CROCC: variants seen among roughly 807,000 people sequenced by gnomAD.
The protein encoded by CROCC is rootletin.
CROCC carries 180 observed loss-of-function variants against 245.2 expected under a neutral mutation model. The ratio of observed to expected loss-of-function variants is 0.73; its 90% CI spans 0.65 to 0.83. CROCC has a LOEUF of 0.83. Among genes scored for constraint, CROCC ranks in the 40% least tolerant of loss-of-function variants. The pLI, the probability that CROCC is intolerant of heterozygous loss-of-function variation, is 0.00. For synonymous variants in CROCC, 1,205 were observed against 1,241.6 expected (o/e 0.97, Z 0.62); for missense variants, 2,688 against 2,779.4 (o/e 0.97, Z 0.74).
At position 16,971,463 on chromosome 1, in the gene CROCC, A is replaced by G; in HGVS notation, c.5785-2A>G. The G allele has an allele frequency of 6.5e-7, 1 of 1,532,766 alleles. No individual in the cohort carries two copies. Among genetic ancestry groups the G allele is most frequent in the Non-Finnish European group, 8.7e-7 (1 of 1,143,746 alleles). 94.9% of individuals were successfully genotyped at this position (1,532,766 alleles called of 1,614,324 possible). A position where few individuals can be genotyped will look rare whatever the true frequency, so the allele number is the denominator to read the frequency against. On this transcript the variant is annotated splice_acceptor_variant, in intron 35 of 36. Coordinates refer to ENST00000375541, the MANE Select transcript of CROCC (RefSeq NM_014675.5). LOFTEE classifies it high-confidence loss of function. ...AACGCGGACCACAGCCCCTCCCTGC[A>G]GGCGCAGGTGGTGGTGCTGGAGCAG...
At chr1:16,944,325 C>T in intron 14 of CROCC, 43 bp downstream of exon 14, 1 of 1,476,036 alleles carries the variant, frequency 6.8e-7, no homozygotes, top group South Asian at 1.4e-5. Context: ...TTCAGATGTG[C>T]CTCGGGTCCC....
chr1:16,970,247 T>C lies in CROCC; in HGVS notation c.5452-6T>C, dbSNP rs746390319. Reference sequence around the variant, plus strand: ...GGATTCGGGGCCTGCCTGGCTTCTGTTGCAGGTGCTGCGGCAGCGGCAGGA... The same window carrying C: ...GGATTCGGGGCCTGCCTGGCTTCTGCTGCAGGTGCTGCGGCAGCGGCAGGA... On this transcript the variant is annotated splice_region_variant and splice_polypyrimidine_tract_variant and intron_variant, in intron 33 of 36. Transcript: ENST00000375541. 1 of 1,546,420 alleles carries C rather than the reference T, an allele frequency of 6.5e-7. No homozygotes were observed. The highest frequency in any genetic ancestry group is 1.9e-5 in the Admixed American group (1 of 52,514).
chr1:16,919,907 T>A (rs1431246362), upstream of CROCC, among the ~76,000 whole-genome samples: 4 of 152,232 alleles, frequency 2.6e-5, no homozygotes, highest in Non-Finnish European at 2.9e-5. Flanking sequence ...ATTTTATTTT[T>A]TTGAGACAGA....
rs374780265 is a variant in CROCC at position 16,970,397 on chromosome 1, C to T, written c.5596C>T (p.Arg1866Cys). ...GGAAGCTGAGAAGCGGGAGGTGGAG[C>T]GCTCAGCCCTGCGGCTGGAGAAGGA... The part of the protein sequence containing the change: ...QLEAEKREVE[R>C]SALRLEKDRV... Residue 1866 changes from arginine (R) to cysteine (C), a missense_variant, in exon 34 of 37, where the codon CGC becomes TGC. Around this residue, in one of 9 missense-constraint regions of CROCC, gnomAD observed 1,218 missense variants for 1,286.3 expected, o/e 0.95. Coordinates refer to ENST00000375541, the MANE Select transcript of CROCC (RefSeq NM_014675.5). 1.6e-4 allele frequency: 249 copies of T among 1,605,152 alleles called. No homozygotes were observed. The highest frequency in any genetic ancestry group is 4.6e-4 in the Admixed American group (27 of 59,144).
Position 16,970,297 on chromosome 1 carries a change from C to T in CROCC, c.5496C>T (p.Thr1832=), listed in dbSNP as rs145211796. ...RQEGEAAALN[T]VQKLQDERRL... ...AGGGTGAGGCTGCAGCCCTGAACAC[C>T]GTCCAGAAGCTGCAAGACGAGCGGC... The change falls in exon 34 of 37, where the codon ACC becomes ACT. Residue 1832 remains threonine, a synonymous_variant. Transcript: ENST00000375541. The T allele has an allele frequency of 5.9e-3, 9,336 of 1,583,230 alleles. 41 individuals carry two copies. Among genetic ancestry groups the T allele is most frequent in the Non-Finnish European group, 7.2e-3 (8,407 of 1,165,852 alleles).
In CROCC at chr1:16,944,227, GAGC is replaced by G. The variant is rs2075995922; in HGVS notation, c.1939_1941del (p.Gln647del). 1 of 1,554,620 alleles carries G rather than the reference GAGC, an allele frequency of 6.4e-7. No individual in the cohort carries two copies. Among genetic ancestry groups the G allele is most frequent in the African/African-American group, 1.4e-5 (1 of 73,478 alleles). On this transcript the variant is annotated inframe_deletion, in exon 14 of 37. Coordinates refer to ENST00000375541, the MANE Select transcript of CROCC (RefSeq NM_014675.5). ...GCGCCAGCGGGACCGGCTGGAGGAAGAGCAGGAGGACGCAGTGCAGGATGGCGC... is the reference window on the plus strand; with the variant it reads ...GCGCCAGCGGGACCGGCTGGAGGAAGAGGAGGACGCAGTGCAGGATGGCGC...
In CROCC at chr1:16,968,192, G is replaced by A. The variant is rs1488396024; in HGVS notation, c.4861-11G>A. 2 of 1,555,406 alleles carry A rather than the reference G, an allele frequency of 1.3e-6. No individual in the cohort carries two copies. Among genetic ancestry groups the A allele is most frequent in the Non-Finnish European group, 8.7e-7 (1 of 1,150,568 alleles). On this transcript the variant is annotated splice_polypyrimidine_tract_variant and intron_variant, in intron 30 of 36. Coordinates refer to ENST00000375541, the MANE Select transcript of CROCC (RefSeq NM_014675.5). ...CTGGACGTCTGGGCCTGAGCCCCAT[G>A]CCACCTGCAGGAGAAGATCAGCAAG...
At chr1:16,935,221 T>C (rs944505615) in intron 8 of CROCC, among the ~76,000 whole-genome samples, 1 of 152,170 alleles carries the variant, frequency 6.6e-6, no homozygotes, top group Non-Finnish European at 1.5e-5. Context: ...TAAGTGACCT[T>C]CCAGGGTTAT....
chr1:16,972,207 CA>C lies in CROCC; in HGVS notation c.5968-149del, dbSNP rs1326756859. 2.0e-5 allele frequency among the ~76,000 whole-genome samples: 3 copies of C among 152,294 alleles called. No homozygotes were observed. In the East Asian group the frequency reaches 5.8e-4, roughly 29 times the overall value. ...AGACGCCTGACTCTGCTATAAGGAA[CA>C]AAATGAGAAAGGCAGGACAGCCCCT... On this transcript the variant is annotated intron_variant, in intron 36 of 36. Coordinates refer to ENST00000375541, the MANE Select transcript of CROCC (RefSeq NM_014675.5).
intron 26 of CROCC, among the ~76,000 whole-genome samples, chr1:16,959,960 C>CA (rs905680578): frequency 0.023 from 3,333 of 142,072 alleles, 94 homozygotes; most frequent in African/African-American, 0.068. Flanking sequence ...AAACAAAAAA[C>CA]AAAAAAAAAA....
intron 30 of CROCC, among the ~76,000 whole-genome samples, chr1:16,967,546 G>A (rs1174411779): frequency 1.3e-5 from 2 of 152,200 alleles, no homozygotes; most frequent in Admixed American, 1.3e-4. Flanking sequence ...AGACAGGGCA[G>A]GGCTGGGGCT....
intron 27 of CROCC, among the ~76,000 whole-genome samples, chr1:16,964,050 G>A (rs1179565095): frequency 1.3e-5 from 2 of 151,974 alleles, no homozygotes; most frequent in African/African-American, 2.4e-5. Flanking sequence ...TGCCCGCCTC[G>A]GCCTCCCACC....
At chr1:16,924,653 T>C (rs1169129145) in intron 3 of CROCC, among the ~76,000 whole-genome samples, 174 bp downstream of exon 3, 2 of 152,286 alleles carry the variant, frequency 1.3e-5, no homozygotes, top group Non-Finnish European at 2.9e-5. Flanking sequence ...CTATGCTCTT[T>C]AAGCCTGTTT....
In CROCC at chr1:16,914,524, T is replaced by C. The variant is rs530037525; in HGVS notation, n.126-15762T>C. 2.6e-5 allele frequency among the ~76,000 whole-genome samples: 4 copies of C among 152,406 alleles called. No individual in the cohort carries two copies. The East Asian group carries it at 7.7e-4, about 29-fold the overall frequency. ...GTGCGGGCCCCGCCCTGCACTGCCC[T>C]CCTCGTGTGGGATCCGGTTTCGTCT... On this transcript the variant is annotated intron_variant and non_coding_transcript_variant, in intron 1 of 8. Transcript: ENST00000466256.
rs2076100955 is a variant in CROCC at position 16,948,532 on chromosome 1, C to T, written c.2708+8C>T. ...GGAGGCCACACGCCTGCGGTAAGGCCTTGGGCTCTGCCCAACCCGCCCTGG... is the reference window on the plus strand; with the variant it reads ...GGAGGCCACACGCCTGCGGTAAGGCTTTGGGCTCTGCCCAACCCGCCCTGG... On this transcript the variant is annotated splice_region_variant and intron_variant, in intron 18 of 36. Transcript: ENST00000375541. 2.0e-6 allele frequency: 3 copies of T among 1,525,866 alleles called. No individual in the cohort carries two copies. The highest frequency in any genetic ancestry group is 2.6e-6 in the Non-Finnish European group (3 of 1,136,548). The allele number at this position is 1,525,866 out of a possible 1,614,324, so 94.5% of individuals were successfully genotyped here. A position where few individuals can be genotyped will look rare whatever the true frequency, so the allele number is the denominator to read the frequency against.
At chr1:16,971,904 C>T (rs1169873446) in intron 36 of CROCC, among the ~76,000 whole-genome samples, 2 of 152,184 alleles carry the variant, frequency 1.3e-5, no homozygotes, top group Non-Finnish European at 2.9e-5. Context: ...GGCCAGGTGG[C>T]CTCAGCAGCT....
rs767601051 is a variant in CROCC at position 16,970,290 on chromosome 1, T to C, written c.5489T>C (p.Leu1830Pro). The C allele has an allele frequency of 3.2e-6, 5 of 1,580,140 alleles. No individual in the cohort carries two copies. Among genetic ancestry groups the C allele is most frequent in the South Asian group, 1.2e-5 (1 of 86,740 alleles). Residue 1830 changes from leucine to proline, a missense_variant, in exon 34 of 37, where the codon CTG becomes CCG. By Grantham distance (98) the Leu-to-Pro change is moderately conservative. This residue lies in a region of CROCC where 1,218 missense variants were observed against 1,286.3 expected (regional missense o/e 0.95). Transcript: ENST00000375541. ...RQRQEGEAAALNTVQKLQDER... is the reference protein window; with the variant it reads ...RQRQEGEAAAPNTVQKLQDER... Reference sequence around the variant, plus strand: ...CGGCAGGAGGGTGAGGCTGCAGCCCTGAACACCGTCCAGAAGCTGCAAGAC... The same window carrying C: ...CGGCAGGAGGGTGAGGCTGCAGCCCCGAACACCGTCCAGAAGCTGCAAGAC...
At chr1:16,937,079 G>A (rs566700770) in intron 9 of CROCC, among the ~76,000 whole-genome samples, 1 of 152,406 alleles carries the variant, frequency 6.6e-6, no homozygotes, top group African/African-American at 2.4e-5. Context: ...TTGTGGCCGG[G>A]TGTGGTGGCT....
At chr1:16,926,662 G>T (rs1435873715) in intron 3 of CROCC, among the ~76,000 whole-genome samples, 1 of 152,262 alleles carries the variant, frequency 6.6e-6, no homozygotes, top group South Asian at 2.1e-4. Context: ...GCCCCCATGG[G>T]GGTCCCCCCT....
Sources: allele counts gnomAD v4.1 joint callset (sites outside exome capture counted in the v4.1 genomes callset), GRCh38; gene constraint gnomAD v4.1.1; regional missense constraint gnomAD v4.1.1; transcripts MANE v1.5; gene names NCBI Gene and HGNC (gene_info 2026-07-23, HGNC 2026-07-21).